CPXM2: variants seen among roughly 807,000 people sequenced by gnomAD.
CPXM2 encodes carboxypeptidase X, M14 family member 2, also known as inactive carboxypeptidase-like protein X2.
CPXM2 carries 66 observed loss-of-function variants against 86.1 expected under a neutral mutation model. The observed-to-expected ratio is 0.77, with a 90% CI of 0.63 to 0.94. The LOEUF is 0.94. Among genes scored for constraint, CPXM2 ranks in the 40% least tolerant of loss-of-function variants. CPXM2 has a pLI of 0.00. For missense variants in CPXM2, 948 were observed against 1,026.3 expected (o/e 0.92, Z 1.04); for synonymous variants, 388 against 400.2 (o/e 0.97, Z 0.36).
chr10:123,911,927 G>C (rs1945491650), intron 2 of CPXM2, among the ~76,000 whole-genome samples: 1 of 152,118 alleles, frequency 6.6e-6, no homozygotes, highest in African/African-American at 2.4e-5. Context: ...AAGGCAGAAG[G>C]AGAGACTGAG....
Position 123,872,191 on chromosome 10 carries a change from C to T in CPXM2, c.403+8020G>A, listed in dbSNP as rs142847263. 7.8e-3 allele frequency among the ~76,000 whole-genome samples: 1,187 copies of T among 151,772 alleles called. 19 individuals are homozygous for T. Among genetic ancestry groups the T allele is most frequent in the African/African-American group, 0.027 (1,137 of 41,378 alleles). ...CCAGCAATTCTTATAGGTATACATG[C>T]AAAAAAAATTCATATATACACCAAA... is the stretch of plus-strand genomic sequence containing the variant. On this transcript the variant is annotated intron_variant, in intron 2 of 13. Coordinates refer to ENST00000241305, the MANE Select transcript of CPXM2 (RefSeq NM_198148.3).
chr10:123,768,050 A>C (rs919376284), intron 9 of CPXM2, among the ~76,000 whole-genome samples: 2 of 152,166 alleles, frequency 1.3e-5, no homozygotes, highest in Admixed American at 1.3e-4. Flanking sequence ...TGCACTTTTC[A>C]TAAACCTTGT....
intron 6 of CPXM2, among the ~76,000 whole-genome samples, chr10:123,797,558 C>T (rs2362967): frequency 0.28 from 42,031 of 151,730 alleles, 6,276 homozygotes; most frequent in East Asian, 0.49. Context: ...AAGAAAACAA[C>T]TGCTTGGTTT....
chr10:123,935,004 T>C (rs1945702034), intron 2 of CPXM2, among the ~76,000 whole-genome samples: 2 of 152,172 alleles, frequency 1.3e-5, no homozygotes, highest in South Asian at 4.1e-4. Context: ...AGTTCTTAGT[T>C]GTTCTTCTCG....
intron 3 of CPXM2, among the ~76,000 whole-genome samples, chr10:123,844,209 C>T (rs538638689): frequency 2.0e-5 from 3 of 152,072 alleles, no homozygotes; most frequent in Admixed American, 6.5e-5. Context: ...TCAGATGATG[C>T]CTCCGAGAAA....
chr10:123,848,885 T>A (rs1286068586), intron 3 of CPXM2, among the ~76,000 whole-genome samples: 1 of 152,212 alleles, frequency 6.6e-6, no homozygotes, highest in Non-Finnish European at 1.5e-5. Flanking sequence ...AAATATGTGA[T>A]AATACCATTG....
intron 2 of CPXM2, among the ~76,000 whole-genome samples, chr10:123,924,640 T>C (rs73368763): frequency 0.035 from 5,386 of 152,296 alleles, 311 homozygotes; most frequent in African/African-American, 0.12. Context: ...CACTTTTGTA[T>C]GATTGATTAT....
intron 1 of CPXM2, among the ~76,000 whole-genome samples, chr10:123,881,788 A>C (rs1945098102): frequency 6.6e-6 from 1 of 152,178 alleles, no homozygotes; most frequent in Non-Finnish European, 1.5e-5. Flanking sequence ...GCAGGTCTGC[A>C]CCCATCTTGG....
At chr10:123,785,009 T>G (rs1237539468) in intron 6 of CPXM2, among the ~76,000 whole-genome samples, 1 of 152,226 alleles carries the variant, frequency 6.6e-6, no homozygotes, top group East Asian at 1.9e-4. Context: ...CCTCTTCATT[T>G]ACATAGGGCG....
At chr10:123,820,505 G>A (rs74854642) in intron 4 of CPXM2, among the ~76,000 whole-genome samples, 1 of 152,126 alleles carries the variant, frequency 6.6e-6, no homozygotes, top group Admixed American at 6.5e-5. Flanking sequence ...GCCTATGAAG[G>A]CCTCTGAGAG....
chr10:123,839,003 A>AT (rs1848331137), intron 4 of CPXM2, among the ~76,000 whole-genome samples: 1 of 152,214 alleles, frequency 6.6e-6, no homozygotes, highest in South Asian at 2.1e-4. Context: ...TTTTCTAAAT[A>AT]TTTCCAAGAA....
At chr10:123,867,644 T>C (rs1032838173) in intron 2 of CPXM2, among the ~76,000 whole-genome samples, 1 of 150,768 alleles carries the variant, frequency 6.6e-6, no homozygotes, top group African/African-American at 2.4e-5. Flanking sequence ...GCAATTCTCC[T>C]GCTTCAGCCT....
chr10:123,871,122 G>C (rs1944889410), intron 2 of CPXM2, among the ~76,000 whole-genome samples: 1 of 152,176 alleles, frequency 6.6e-6, no homozygotes, highest in Non-Finnish European at 1.5e-5. Context: ...TAAATGTCCA[G>C]CTCAGGGGCT....
Position 123,891,719 on chromosome 10 carries a change from CGGGCGCAGAAGCTGGCGCGGGGCAA to C in CPXM2, c.-85_-61del. ...GTCACCGGGGGCGCCGGGCGGGCTG[CGGGCGCAGAAGCTGGCGCGGGGCAA>C]GGGCGCAGGGCACAGCAGAGCGGCG... On this transcript the variant is annotated 5_prime_UTR_variant, in exon 1 of 14. Coordinates refer to ENST00000241305, the MANE Select transcript of CPXM2 (RefSeq NM_198148.3). The surrounding 1 kb of genome is among the most constrained non-coding windows in gnomAD (Gnocchi z 5.6). 7.9e-7 allele frequency: 1 copy of C among 1,262,454 alleles called. No individual in the cohort carries two copies. Among genetic ancestry groups the C allele is most frequent in the Non-Finnish European group, 1.0e-6 (1 of 991,690 alleles). The allele number at this position is 1,262,454 out of a possible 1,614,324, so 78.2% of individuals were successfully genotyped here.
chr10:123,792,735 C>T (rs1251868057), intron 6 of CPXM2, among the ~76,000 whole-genome samples: 2 of 152,218 alleles, frequency 1.3e-5, no homozygotes, highest in East Asian at 3.9e-4. Context: ...CAGGCTGCCC[C>T]TTTGTTATCC....
At chr10:123,888,650 C>T (rs943339490) in intron 1 of CPXM2, among the ~76,000 whole-genome samples, 1 of 152,224 alleles carries the variant, frequency 6.6e-6, no homozygotes, top group Non-Finnish European at 1.5e-5. Context: ...ACTAAGTTCA[C>T]GCTTAAACCA....
intron 2 of CPXM2, among the ~76,000 whole-genome samples, chr10:123,918,558 G>T (rs2134276654): frequency 6.6e-6 from 1 of 152,318 alleles, no homozygotes; most frequent in South Asian, 2.1e-4. Flanking sequence ...TGTGGCAGAT[G>T]TTATGTGCAC....
chr10:123,825,805 C>T (rs115957284), intron 4 of CPXM2, among the ~76,000 whole-genome samples: 1,548 of 152,222 alleles, frequency 0.01, 31 homozygotes, highest in African/African-American at 0.035. Flanking sequence ...TTCCCAGTTG[C>T]TTGGGTTTTT....
chr10:123,915,165 CG>C (rs1945525361), intron 2 of CPXM2, among the ~76,000 whole-genome samples: 2 of 152,202 alleles, frequency 1.3e-5, no homozygotes, highest in Admixed American at 6.5e-5. Flanking sequence ...TGAAGGTCCT[CG>C]CCCTGCCCTT....
Sources: allele counts gnomAD v4.1 joint callset (sites outside exome capture counted in the v4.1 genomes callset), GRCh38; gene constraint gnomAD v4.1.1; non-coding constraint Gnocchi (gnomAD v3.1); transcripts MANE v1.5; gene names NCBI Gene and HGNC (gene_info 2026-07-23, HGNC 2026-07-21).